NRF1: variants seen among roughly 807,000 people sequenced by gnomAD.
NRF1 encodes the protein nuclear respiratory factor 1.
A neutral mutation model predicts 58.5 loss-of-function variants in NRF1; 5 were observed. The observed-to-expected ratio is 0.09, with a 90% CI of 0.04 to 0.18. NRF1 has a LOEUF of 0.18. Ranked by LOEUF, NRF1 falls within the 10% of genes least tolerant of loss-of-function variation. NRF1 has a pLI of 1.00. For missense variants in NRF1, 288 were observed against 657.7 expected (o/e 0.44, Z 6.15); for synonymous variants, 224 against 246.7 (o/e 0.91, Z 0.86).
intron 2 of NRF1, among the ~76,000 whole-genome samples, chr7:129,659,277 C>T (rs1216428705): frequency 1.3e-5 from 2 of 152,040 alleles, no homozygotes; most frequent in Admixed American, 6.6e-5. Flanking sequence ...TGGGGTTTCA[C>T]CCTGTTGGCC....
At chr7:129,637,282 T>C (rs189381170) in intron 1 of NRF1, among the ~76,000 whole-genome samples, 1 of 151,678 alleles carries the variant, frequency 6.6e-6, no homozygotes, top group East Asian at 1.9e-4. Flanking sequence ...AGAAGATTCA[T>C]TGGAAACCCC....
rs1562957544 is a variant in NRF1 at position 129,642,756 on chromosome 7, A to ACTTTTTTTTTTTTT, written c.-6-14590_-6-14589insCTTTTTTTTTTTTT. On this transcript the variant is annotated intron_variant, in intron 1 of 10. Transcript: ENST00000393232. ...TTCTAAAAGAATACATTCTTTAAAA[A>ACTTTTTTTTTTTTT]ATTTTTTTTTTTTTTTTTTTAAATG... 9.1e-5 allele frequency among the ~76,000 whole-genome samples: 12 copies of ACTTTTTTTTTTTTT among 131,700 alleles called. 2 individuals carry two copies. The East Asian group carries it at 1.7e-3, about 18-fold the overall frequency. 86.4% of individuals were successfully genotyped at this position (131,700 alleles called of 152,430 possible). A position where few individuals can be genotyped will look rare whatever the true frequency, so the allele number is the denominator to read the frequency against.
At chr7:129,717,062 G>A (rs1341592767) in intron 8 of NRF1, among the ~76,000 whole-genome samples, 157 bp from the exon 9 acceptor site, 1 of 152,136 alleles carries the variant, frequency 6.6e-6, no homozygotes, top group African/African-American at 2.4e-5. Context: ...TTATGCAAAA[G>A]GTAGCATGCT....
At chr7:129,735,597 G>A (rs1325390002) in intron 10 of NRF1, among the ~76,000 whole-genome samples, 1 of 152,204 alleles carries the variant, frequency 6.6e-6, no homozygotes, top group Non-Finnish European at 1.5e-5. Flanking sequence ...ATTACACTTA[G>A]AGAAGGAACA....
intron 5 of NRF1, among the ~76,000 whole-genome samples, chr7:129,694,183 A>G (rs1208659141): frequency 6.6e-6 from 1 of 152,194 alleles, no homozygotes; most frequent in Admixed American, 6.6e-5. Flanking sequence ...ACCATAACAA[A>G]TAAAATAAAA....
At chr7:129,699,502 T>G (rs180759354) in intron 5 of NRF1, among the ~76,000 whole-genome samples, 1 of 151,982 alleles carries the variant, frequency 6.6e-6, no homozygotes, top group East Asian at 1.9e-4. Flanking sequence ...TCACTTGAGG[T>G]CTGGAGTTTG....
At chr7:129,665,805 G>A (rs939696485) in intron 2 of NRF1, among the ~76,000 whole-genome samples, 1 of 152,154 alleles carries the variant, frequency 6.6e-6, no homozygotes, top group African/African-American at 2.4e-5. Flanking sequence ...CAGACATGCC[G>A]TTTTGCCATG....
intron 1 of NRF1, among the ~76,000 whole-genome samples, 159 bp downstream of exon 1, chr7:129,611,983 G>A (rs1244713808): frequency 2.0e-5 from 3 of 148,698 alleles, no homozygotes; most frequent in Non-Finnish European, 4.5e-5. Context: ...TCGGGCGGGG[G>A]GCCCCGGCCC....
chr7:129,723,443 C>CAAA (rs1279913396), intron 9 of NRF1, among the ~76,000 whole-genome samples: 2 of 123,070 alleles, frequency 1.6e-5, no homozygotes, highest in African/African-American at 6.2e-5. Context: ...AACTCTATCT[C>CAAA]AAAAAAAAAA....
chr7:129,622,120 C>A (rs958055415), intron 1 of NRF1, among the ~76,000 whole-genome samples: 1 of 151,924 alleles, frequency 6.6e-6, no homozygotes, highest in African/African-American at 2.4e-5. Flanking sequence ...GAAAAGCACC[C>A]CCCATTAGTG....
At chr7:129,669,174 T>A (rs1419618689) in intron 2 of NRF1, among the ~76,000 whole-genome samples, 6 of 152,190 alleles carry the variant, frequency 3.9e-5, no homozygotes, top group Admixed American at 1.3e-4. Flanking sequence ...CTCAAACTCC[T>A]GACCTTAGGT....
chr7:129,685,020 A>ATG (rs1451847902), intron 4 of NRF1, among the ~76,000 whole-genome samples: 1 of 152,200 alleles, frequency 6.6e-6, no homozygotes, highest in Non-Finnish European at 1.5e-5. Context: ...TGGAAGCCAG[A>ATG]TGTGCTTCAC....
At position 129,727,406 on chromosome 7, in the gene NRF1, T is replaced by G; in HGVS notation, c.1348+41T>G. On this transcript the variant is annotated intron_variant, in intron 10 of 10. Coordinates refer to ENST00000393232, the MANE Select transcript of NRF1 (RefSeq NM_005011.5). ...TATTTTATTAAATTTCTTCCCTGTT[T>G]CCACTTAAACCTTCCTGACATGACT... The G allele has an allele frequency of 1.9e-6, 3 of 1,558,542 alleles. No homozygotes were observed. The South Asian group carries it at 3.7e-5, about 19-fold the overall frequency.
chr7:129,710,527 G>T lies in NRF1; in HGVS notation c.919G>T (p.Val307Phe). ...IAHLVPSQTVVQTFSNPDGTV... is the reference protein window; with the variant it reads ...IAHLVPSQTVFQTFSNPDGTV... ...TCATCTTGTACCATCACAGACTGTAGTCCAGACTTTTAGTAACCCTGATGG... is the reference window on the plus strand; with the variant it reads ...TCATCTTGTACCATCACAGACTGTATTCCAGACTTTTAGTAACCCTGATGG... Residue 307 changes from valine (V) to phenylalanine (F), a missense_variant, in exon 7 of 11, where the codon GTC becomes TTC. Around this residue, in one of 3 missense-constraint regions of NRF1, gnomAD observed 212 missense variants for 559.7 expected, o/e 0.38. Transcript: ENST00000393232. 1 of 1,603,704 alleles carries T rather than the reference G, an allele frequency of 6.2e-7. No homozygotes were observed. The highest frequency in any genetic ancestry group is 8.5e-7 in the Non-Finnish European group (1 of 1,170,510).
At chr7:129,666,202 A>G (rs1406915713) in intron 2 of NRF1, among the ~76,000 whole-genome samples, 1 of 152,202 alleles carries the variant, frequency 6.6e-6, no homozygotes, top group Non-Finnish European at 1.5e-5. Context: ...TTTAAGAAAT[A>G]AAAAGTACAG....
At chr7:129,624,781 T>G (rs906393840) in intron 1 of NRF1, among the ~76,000 whole-genome samples, 16 of 152,116 alleles carry the variant, frequency 1.1e-4, no homozygotes, top group African/African-American at 3.9e-4. Flanking sequence ...TCCCAAGTGG[T>G]ATCCCTAAAA....
At chr7:129,649,288 G>A (rs1012739555) in intron 1 of NRF1, among the ~76,000 whole-genome samples, 8 of 152,164 alleles carry the variant, frequency 5.3e-5, no homozygotes, top group Admixed American at 2.0e-4. Context: ...AAGAATGTAA[G>A]TTGAGCCAGC....
intron 4 of NRF1, among the ~76,000 whole-genome samples, chr7:129,688,040 TTGAAAC>T (rs1252434626): frequency 4.6e-5 from 7 of 152,258 alleles, no homozygotes; most frequent in Non-Finnish European, 8.8e-5. Flanking sequence ...CTGAAATTGT[TTGAAAC>T]TGGCTAATAA....
chr7:129,683,921 C>T (rs1802386702), intron 4 of NRF1, among the ~76,000 whole-genome samples: 1 of 152,110 alleles, frequency 6.6e-6, no homozygotes. Context: ...GCGTGAGCCA[C>T]CCCTCCTGGC....
Sources: allele counts gnomAD v4.1 joint callset (sites outside exome capture counted in the v4.1 genomes callset), GRCh38; gene constraint gnomAD v4.1.1; regional missense constraint gnomAD v4.1.1; transcripts MANE v1.5; gene names NCBI Gene and HGNC (gene_info 2026-07-23, HGNC 2026-07-21).